TMEM131: variants seen among roughly 807,000 people sequenced by gnomAD.
TMEM131 encodes 2610524E03Rik.
A neutral mutation model predicts 211.6 loss-of-function variants in TMEM131; 66 were observed. The ratio of observed to expected loss-of-function variants is 0.31; its 90% CI spans 0.26 to 0.38. TMEM131 has a LOEUF of 0.38. TMEM131 is among the 10% of genes least tolerant of loss of function. TMEM131 has a pLI of 1.00. For synonymous variants in TMEM131, 844 were observed against 841.3 expected, an observed-to-expected ratio of 1.00 and a Z score of -0.06; for missense variants, 2,036 against 2,299.3, an observed-to-expected ratio of 0.89 and a Z score of 2.34.
At chr2:97,759,101 A>T in intron 39 of TMEM131, 48 bp from the exon 40 acceptor site, 1 of 1,611,744 alleles carries the variant, frequency 6.2e-7, no homozygotes, top group East Asian at 2.2e-5. Context: ...TTTTGCCATG[A>T]TCACTATAGC....
At chr2:97,983,273 CAAG>C (rs1006523797) in intron 1 of TMEM131, among the ~76,000 whole-genome samples, 1 of 152,160 alleles carries the variant, frequency 6.6e-6, no homozygotes, top group African/African-American at 2.4e-5. Context: ...GTGACAGTCT[CAAG>C]TAGTAGCAGT....
chr2:97,972,518 A>G (rs1273111260), intron 1 of TMEM131, among the ~76,000 whole-genome samples: 2 of 151,644 alleles, frequency 1.3e-5, no homozygotes, highest in East Asian at 1.9e-4. Flanking sequence ...GCAGGCAGGC[A>G]GGCAGGCAGT....
chr2:97,967,814 G>A (rs185882502), intron 1 of TMEM131, among the ~76,000 whole-genome samples: 4 of 151,926 alleles, frequency 2.6e-5, no homozygotes, highest in Non-Finnish European at 5.9e-5. Context: ...CTAGAGCCTC[G>A]ATGCTCTTCT....
chr2:97,853,607 GA>G (rs565061872), intron 5 of TMEM131, among the ~76,000 whole-genome samples: 45,766 of 124,892 alleles, frequency 0.37, 8,223 homozygotes, highest in Middle Eastern at 0.49. Flanking sequence ...CCCCGTCTTG[GA>G]AAAAAAAAAA....
Position 97,796,940 on chromosome 2 carries a change from T to C in TMEM131, c.2917A>G (p.Thr973Ala). The change falls in exon 27 of 41, where the codon ACA (threonine) becomes GCA (alanine). Residue 973 changes from threonine to alanine, a missense_variant. By Grantham distance (58) the Thr-to-Ala change is moderately conservative (BLOSUM62 0). Transcript: ENST00000186436. ...MDAVMVQGQG[T>A]TENLRVAGKL... ...CCTGCCACCCTCAAGTTCTCAGTTG[T>C]TCCTTGTCCTTGGACCATCACAGCA... 1 of 1,613,988 alleles carries C rather than the reference T, an allele frequency of 6.2e-7. No individual in the cohort carries two copies. Among genetic ancestry groups the C allele is most frequent in the South Asian group, 1.1e-5 (1 of 91,084 alleles).
chr2:97,944,369 A>C (rs1277113085), intron 1 of TMEM131, among the ~76,000 whole-genome samples: 1 of 152,212 alleles, frequency 6.6e-6, no homozygotes, highest in Non-Finnish European at 1.5e-5. Flanking sequence ...TAAAGCTATA[A>C]AACTTTTGAA....
chr2:97,794,925 A>G lies in TMEM131; in HGVS notation c.3386+5T>C, dbSNP rs767797315. ...GAATATGAACCTTGAAACAAGACAC[A>G]ATACCTCATTATTCCTGAGATGATG... On this transcript the variant is annotated splice_donor_5th_base_variant and intron_variant, in intron 29 of 40. Transcript: ENST00000186436. The G allele has an allele frequency of 6.4e-7, 1 of 1,565,438 alleles. No individual in the cohort carries two copies.
rs564607781 is a variant in TMEM131 at position 97,827,241 on chromosome 2, C to A, written c.1074+6124G>T. The stretch of plus-strand genomic sequence containing the variant: ...GGCACCTGGCACGCGCCTTCCCCGC[C>A]GCCAGGATGCCCAAGAGGAAGGTCA... On this transcript the variant is annotated intron_variant, in intron 11 of 40. Coordinates refer to ENST00000186436, the MANE Select transcript of TMEM131 (RefSeq NM_015348.2). 321 of 770,648 alleles carry A rather than the reference C, an allele frequency of 4.2e-4. 3 individuals are homozygous for A. In the East Asian group the frequency reaches 5.8e-3, roughly 14 times the overall value. The allele number at this position is 770,648 out of a possible 1,614,324, so 47.7% of individuals were successfully genotyped here. A position where few individuals can be genotyped will look rare whatever the true frequency, so the allele number is the denominator to read the frequency against.
At chr2:97,889,112 A>C (rs949252690) in intron 3 of TMEM131, among the ~76,000 whole-genome samples, 1 of 152,248 alleles carries the variant, frequency 6.6e-6, no homozygotes, top group Non-Finnish European at 1.5e-5. Flanking sequence ...AATTCTATAA[A>C]GATTAAATAA....
intron 3 of TMEM131, among the ~76,000 whole-genome samples, chr2:97,898,086 T>A (rs1182068343): frequency 6.6e-6 from 1 of 152,136 alleles, no homozygotes; most frequent in African/African-American, 2.4e-5. Context: ...TGTCTGCCTT[T>A]CTTAACCAAT....
intron 2 of TMEM131, among the ~76,000 whole-genome samples, chr2:97,914,039 T>C (rs1469321029): frequency 2.0e-5 from 3 of 152,160 alleles, no homozygotes; most frequent in Admixed American, 6.5e-5. Flanking sequence ...CAACATGTAA[T>C]CCTACTTCTT....
At chr2:97,873,357 G>C (rs183872219) in intron 4 of TMEM131, among the ~76,000 whole-genome samples, 85 of 152,360 alleles carry the variant, frequency 5.6e-4, no homozygotes, top group Non-Finnish European at 9.4e-4. Flanking sequence ...TGGCAGCTCT[G>C]AAGAGAGCAG....
chr2:97,915,630 G>A (rs1353182658), intron 2 of TMEM131, among the ~76,000 whole-genome samples: 2 of 152,122 alleles, frequency 1.3e-5, no homozygotes, highest in African/African-American at 4.8e-5. Context: ...ACAGGCATGA[G>A]GTACTGCGTC....
At chr2:97,863,312 C>T (rs1483930235) in intron 4 of TMEM131, among the ~76,000 whole-genome samples, 1 of 152,130 alleles carries the variant, frequency 6.6e-6, no homozygotes, top group Non-Finnish European at 1.5e-5. Flanking sequence ...CATTAGTTAG[C>T]ATCTCTCCAG....
At chr2:97,872,294 A>G (rs1573488820) in intron 4 of TMEM131, among the ~76,000 whole-genome samples, 5 of 152,068 alleles carry the variant, frequency 3.3e-5, no homozygotes, top group African/African-American at 7.2e-5. Flanking sequence ...GAAAGACTCT[A>G]ACTCCATTTT....
chr2:97,847,593 T>G (rs1002254345), intron 5 of TMEM131, among the ~76,000 whole-genome samples: 1 of 152,136 alleles, frequency 6.6e-6, no homozygotes, highest in Non-Finnish European at 1.5e-5. Flanking sequence ...AGATGTTAGT[T>G]CTCCTGAAAT....
chr2:97,851,977 G>A (rs1322506898), intron 5 of TMEM131, among the ~76,000 whole-genome samples: 1 of 152,188 alleles, frequency 6.6e-6, no homozygotes, highest in Non-Finnish European at 1.5e-5. Context: ...AGCCAAGAGA[G>A]GCTCAAAGCT....
At chr2:97,888,815 TGTCAGAAATTCAGTCAGAAA>T (rs1203789677) in intron 3 of TMEM131, among the ~76,000 whole-genome samples, 24 of 152,192 alleles carry the variant, frequency 1.6e-4, no homozygotes, top group Non-Finnish European at 1.5e-5. Context: ...ATGCCTAAAG[TGTCAGAAATTCAGTCAGAAA>T]GTCAGAAATT....
chr2:97,815,087 A>G, intron 13 of TMEM131, 112 bp downstream of exon 13: 1 of 526,748 alleles, frequency 1.9e-6, no homozygotes, highest in Admixed American at 4.1e-5. Context: ...TCAAAAAATA[A>G]TTCCATCAAG....
Sources: gnomAD v4.1 joint callset for allele counts (sites outside exome capture counted in the v4.1 genomes callset) on GRCh38, gnomAD v4.1.1 for gene constraint, MANE v1.5 for transcripts, NCBI Gene and HGNC (gene_info 2026-07-23, HGNC 2026-07-21) for gene names.